Variants in RASAL2 observed in about 807,000 individuals in gnomAD.
RASAL2 encodes ras GTPase-activating protein nGAP.
In RASAL2, 58 loss-of-function variants were observed where a neutral mutation model predicts 128.9. The observed-to-expected ratio is 0.45, with a 90% CI of 0.36 to 0.56. The LOEUF (loss-of-function observed/expected upper bound fraction) is 0.56. Ranked by LOEUF, RASAL2 falls within the 20% of genes least tolerant of loss-of-function variation. The probability of loss-of-function intolerance (pLI) is 0.00; values close to 1 mark genes in which losing one functional copy is unlikely to be tolerated. For missense variants in RASAL2, 1,360 were observed against 1,601.6 expected (o/e 0.85, Z 2.57); for synonymous variants, 561 against 580.8 (o/e 0.97, Z 0.49).
At chr1:178,391,847 C>G (rs959755841) in intron 4 of RASAL2, among the ~76,000 whole-genome samples, 4 of 152,164 alleles carry the variant, frequency 2.6e-5, no homozygotes, top group African/African-American at 7.2e-5. Context: ...TATTTTACCA[C>G]AAGTACCAGT....
intron 1 of RASAL2, among the ~76,000 whole-genome samples, chr1:178,221,501 CTT>C (rs1407925610): frequency 3.3e-5 from 5 of 152,024 alleles, no homozygotes; most frequent in Non-Finnish European, 7.4e-5. Context: ...TTAAATTTCT[CTT>C]GAGATTTCTT....
At chr1:178,243,602 CA>C (rs3041601) in intron 1 of RASAL2, among the ~76,000 whole-genome samples, 11,804 of 121,750 alleles carry the variant, frequency 0.097, 477 homozygotes, top group Middle Eastern at 0.11. Flanking sequence ...TTGTTGTTAT[CA>C]AAAAAAAAAA....
At chr1:178,102,693 ATATGT>A (rs1046166333) in intron 1 of RASAL2, among the ~76,000 whole-genome samples, 24 of 152,092 alleles carry the variant, frequency 1.6e-4, no homozygotes, top group East Asian at 1.5e-3. Flanking sequence ...ATTTTTTTAA[ATATGT>A]TATTTATTTT....
intron 5 of RASAL2, among the ~76,000 whole-genome samples, chr1:178,432,659 T>C (rs1675992004): frequency 6.6e-6 from 1 of 151,944 alleles, no homozygotes; most frequent in Admixed American, 6.6e-5. Context: ...TCACCATCTT[T>C]CACCCAGTGT....
chr1:178,314,389 T>C (rs1668400441), intron 3 of RASAL2, among the ~76,000 whole-genome samples: 1 of 152,212 alleles, frequency 6.6e-6, no homozygotes, highest in Non-Finnish European at 1.5e-5. Flanking sequence ...AACAAAATAA[T>C]TCTCTTGCAG....
At chr1:178,359,756 G>A (rs1424311530) in intron 3 of RASAL2, among the ~76,000 whole-genome samples, 13 of 152,154 alleles carry the variant, frequency 8.5e-5, no homozygotes, top group Admixed American at 5.2e-4. Context: ...TGTTATAAAT[G>A]ACTGTAGATC....
At chr1:178,432,514 C>T (rs1675979934) in intron 5 of RASAL2, among the ~76,000 whole-genome samples, 1 of 152,066 alleles carries the variant, frequency 6.6e-6, no homozygotes, top group African/African-American at 2.4e-5. Context: ...GTTGTCTTCT[C>T]AATATGTATG....
At chr1:178,309,224 GCAGC>G (rs1460224794) in intron 3 of RASAL2, among the ~76,000 whole-genome samples, 2 of 151,952 alleles carry the variant, frequency 1.3e-5, no homozygotes, top group Non-Finnish European at 2.9e-5. Context: ...GTGGATAATG[GCAGC>G]CACTGATTTT....
At chr1:178,311,981 C>A (rs1329593788) in intron 3 of RASAL2, among the ~76,000 whole-genome samples, 1 of 151,710 alleles carries the variant, frequency 6.6e-6, no homozygotes, top group East Asian at 1.9e-4. Context: ...CAAAGTTGAG[C>A]TTTTGTCTAC....
chr1:178,108,785 C>T lies in RASAL2; in HGVS notation c.202+14091C>T, dbSNP rs528306167. Among the ~76,000 whole-genome samples, 3 of 152,252 alleles carry T rather than the reference C, an allele frequency of 2.0e-5. No homozygotes were observed. In the East Asian group the frequency reaches 5.8e-4, roughly 29 times the overall value. ...TAGCACCATGACTATAAAATAATGA[C>T]ATTGTTATGCTTGATACGCTTTGGA... On this transcript the variant is annotated intron_variant, in intron 1 of 17. Coordinates refer to ENST00000367649, the MANE Select transcript of RASAL2 (RefSeq NM_170692.4).
intron 1 of RASAL2, among the ~76,000 whole-genome samples, chr1:178,282,029 C>T (rs1666805096): frequency 6.6e-6 from 1 of 151,996 alleles, no homozygotes; most frequent in Non-Finnish European, 1.5e-5. Context: ...GCTTAGACTA[C>T]AAGGGGAGGG....
chr1:178,250,035 G>A (rs968661396), intron 1 of RASAL2, among the ~76,000 whole-genome samples: 1 of 152,180 alleles, frequency 6.6e-6, no homozygotes, highest in African/African-American at 2.4e-5. Context: ...AGGCTTGGCG[G>A]TCAGGGACCC....
At chr1:178,168,717 A>G (rs1661600005) in intron 1 of RASAL2, among the ~76,000 whole-genome samples, 1 of 152,128 alleles carries the variant, frequency 6.6e-6, no homozygotes, top group Admixed American at 6.5e-5. Flanking sequence ...CACAGCAGTC[A>G]GTGGGACTGT....
chr1:178,270,465 A>C (rs1235322888), intron 1 of RASAL2, among the ~76,000 whole-genome samples: 1 of 151,992 alleles, frequency 6.6e-6, no homozygotes, highest in African/African-American at 2.4e-5. Context: ...AATATACAAA[A>C]GATCTTTTTA....
At chr1:178,320,108 G>T (rs1320865072) in intron 3 of RASAL2, among the ~76,000 whole-genome samples, 2 of 151,828 alleles carry the variant, frequency 1.3e-5, no homozygotes, top group Non-Finnish European at 2.9e-5. Context: ...GGCTGCTCGG[G>T]GGTCAGGGGT....
chr1:178,444,929 A>G (rs911867994), intron 8 of RASAL2, among the ~76,000 whole-genome samples: 1 of 152,192 alleles, frequency 6.6e-6, no homozygotes, highest in Non-Finnish European at 1.5e-5. Context: ...AAATATGATT[A>G]CAGTGAGAAC....
chr1:178,223,601 A>G (rs570075892), intron 1 of RASAL2, among the ~76,000 whole-genome samples: 2 of 152,224 alleles, frequency 1.3e-5, no homozygotes, highest in Admixed American at 1.3e-4. Flanking sequence ...TAAGTGGGAA[A>G]CCATTGAATA....
chr1:178,130,509 A>G (rs1319364417), intron 1 of RASAL2, among the ~76,000 whole-genome samples: 1 of 151,984 alleles, frequency 6.6e-6, no homozygotes, highest in African/African-American at 2.4e-5. Flanking sequence ...TACTTATTAT[A>G]TATTGTGTAC....
intron 1 of RASAL2, among the ~76,000 whole-genome samples, chr1:178,247,560 C>CTT (rs1332678079): frequency 6.6e-6 from 1 of 152,112 alleles, no homozygotes; most frequent in African/African-American, 2.4e-5. Flanking sequence ...TTTCGTGTCT[C>CTT]TATCTCCTTC....
Sources: allele counts gnomAD v4.1 joint callset (sites outside exome capture counted in the v4.1 genomes callset), GRCh38; gene constraint gnomAD v4.1.1; transcripts MANE v1.5; gene names NCBI Gene and HGNC (gene_info 2026-07-23, HGNC 2026-07-21).